Variants in ZNF423 observed in about 807,000 individuals in gnomAD.
The protein encoded by ZNF423 is Ebf-associated zinc finger protein.
In ZNF423, 12 loss-of-function variants were observed where a neutral mutation model predicts 95.8. That is an observed-to-expected ratio of 0.13 (90% confidence interval 0.08 to 0.20). The LOEUF is 0.20. Among genes scored for constraint, ZNF423 ranks in the 10% least tolerant of loss-of-function variants. The pLI is 1.00. For synonymous variants in ZNF423, 749 were observed against 711.9 expected (o/e 1.05, Z -0.83); for missense variants, 1,316 against 1,737.1 (o/e 0.76, Z 4.31).
At chr16:49,577,483 C>T (rs925569658) in intron 5 of ZNF423, among the ~76,000 whole-genome samples, 5 of 152,076 alleles carry the variant, frequency 3.3e-5, no homozygotes, top group Middle Eastern at 3.4e-3. Flanking sequence ...CAAGGCCCAG[C>T]GACCAGCCAG....
At chr16:49,753,662 A>AAG in intron 2 of ZNF423, among the ~76,000 whole-genome samples, 1 of 152,096 alleles carries the variant, frequency 6.6e-6, no homozygotes, top group Non-Finnish European at 1.5e-5. Flanking sequence ...GCAAAGAGGC[A>AAG]GCTTCAGCTC....
At chr16:49,725,161 T>C (rs927589861) in intron 3 of ZNF423, among the ~76,000 whole-genome samples, 5 of 152,118 alleles carry the variant, frequency 3.3e-5, no homozygotes, top group African/African-American at 7.2e-5. Flanking sequence ...GGCAGGAGGA[T>C]TGCCTGAGGC....
At chr16:49,566,622 CATTT>C (rs1752744261) in intron 5 of ZNF423, among the ~76,000 whole-genome samples, 1 of 152,176 alleles carries the variant, frequency 6.6e-6, no homozygotes. Context: ...GTATCTCTTT[CATTT>C]GAGTAATTAT....
intron 3 of ZNF423, among the ~76,000 whole-genome samples, chr16:49,713,559 G>A (rs2032610714): frequency 6.6e-6 from 1 of 152,106 alleles, no homozygotes; most frequent in Admixed American, 6.6e-5. Context: ...CCGCACCCTG[G>A]CAGGTTCTCA....
At chr16:49,732,992 T>C (rs1410529529) in intron 2 of ZNF423, among the ~76,000 whole-genome samples, 2 of 152,184 alleles carry the variant, frequency 1.3e-5, no homozygotes, top group Non-Finnish European at 2.9e-5. Context: ...TCTTTTATTA[T>C]CAGAACGCGC....
At chr16:49,658,158 G>T (rs1028924456) in intron 3 of ZNF423, among the ~76,000 whole-genome samples, 1 of 152,224 alleles carries the variant, frequency 6.6e-6, no homozygotes, top group Non-Finnish European at 1.5e-5. Flanking sequence ...TAGATGTGGC[G>T]CAAGTCCTGC....
At chr16:49,556,321 C>T in intron 5 of ZNF423, among the ~76,000 whole-genome samples, 1 of 152,190 alleles carries the variant, frequency 6.6e-6, no homozygotes, top group East Asian at 1.9e-4. Flanking sequence ...CAGAAGTGCC[C>T]CCTCTTCTCC....
intron 5 of ZNF423, among the ~76,000 whole-genome samples, chr16:49,576,732 A>C (rs891496753): frequency 2.6e-5 from 4 of 152,236 alleles, no homozygotes; most frequent in Admixed American, 6.5e-5. Flanking sequence ...ACCTTGGGCA[A>C]ATTAGTTTTC....
chr16:49,678,055 C>A (rs760360501), intron 3 of ZNF423, among the ~76,000 whole-genome samples: 2 of 151,870 alleles, frequency 1.3e-5, no homozygotes, highest in Admixed American at 6.6e-5. Flanking sequence ...TGGTGATGGG[C>A]GCCTGTAATC....
chr16:49,529,653 G>A (rs1462800481), intron 5 of ZNF423, among the ~76,000 whole-genome samples: 1 of 152,106 alleles, frequency 6.6e-6, no homozygotes, highest in Admixed American at 6.5e-5. Context: ...ATTTCCATAC[G>A]GGTCTTGGGG....
upstream of ZNF423, chr16:49,856,194 C>T (rs1434075457): frequency 1.5e-5 from 2 of 132,724 alleles, no homozygotes; most frequent in Non-Finnish European, 3.2e-5. Context: ...CCCCTGCGGC[C>T]CCCTCCTTCC....
intron 4 of ZNF423, among the ~76,000 whole-genome samples, chr16:49,631,408 C>T (rs1972490228): frequency 1.3e-5 from 2 of 151,972 alleles, no homozygotes; most frequent in South Asian, 2.1e-4. Context: ...CTAGTCTATC[C>T]CCACTCTCAA....
intron 3 of ZNF423, among the ~76,000 whole-genome samples, chr16:49,680,126 A>G (rs1458184125): frequency 6.6e-6 from 1 of 152,110 alleles, no homozygotes; most frequent in East Asian, 1.9e-4. Context: ...CTAGACACTC[A>G]TGGGGACAAC....
At chr16:49,516,671 A>T (rs916042264) in intron 7 of ZNF423, among the ~76,000 whole-genome samples, 3 of 152,174 alleles carry the variant, frequency 2.0e-5, no homozygotes, top group Non-Finnish European at 4.4e-5. Flanking sequence ...CCATTTCTGG[A>T]CAGTTTTCCC....
intron 5 of ZNF423, among the ~76,000 whole-genome samples, chr16:49,624,156 T>C (rs1014229617): frequency 6.6e-6 from 1 of 152,026 alleles, no homozygotes; most frequent in African/African-American, 2.4e-5. Context: ...ATAAAGAATA[T>C]AGTATATAAC....
intron 1 of ZNF423, among the ~76,000 whole-genome samples, chr16:49,831,238 C>G (rs997574074): frequency 5.3e-5 from 8 of 152,124 alleles, no homozygotes; most frequent in Non-Finnish European, 1.0e-4. Context: ...AACCTCAAAG[C>G]GCCTGAGTCC....
At chr16:49,669,335 A>AAAAAAG (rs994644251) in intron 3 of ZNF423, among the ~76,000 whole-genome samples, 29 of 152,254 alleles carry the variant, frequency 1.9e-4, no homozygotes, top group African/African-American at 6.0e-4. Context: ...GTCTCAAAAA[A>AAAAAAG]AAAAAGAAAA....
intron 3 of ZNF423, among the ~76,000 whole-genome samples, chr16:49,639,292 C>A (rs1972887172): frequency 1.3e-5 from 2 of 152,210 alleles, no homozygotes; most frequent in South Asian, 2.1e-4. Context: ...TGGGAGTCAA[C>A]TCCCCTCAAA....
intron 2 of ZNF423, among the ~76,000 whole-genome samples, chr16:49,737,644 C>T (rs2033318989): frequency 6.6e-6 from 1 of 152,224 alleles, no homozygotes; most frequent in Non-Finnish European, 1.5e-5. Flanking sequence ...GCTGGGTCCA[C>T]TGCCAGGAAA....
Sources: gnomAD v4.1 joint callset for allele counts (sites outside exome capture counted in the v4.1 genomes callset) on GRCh38, gnomAD v4.1.1 for gene constraint, MANE v1.5 for transcripts, NCBI Gene and HGNC (gene_info 2026-07-23, HGNC 2026-07-21) for gene names.